The following ANKRD60 variants were observed in gnomAD, a reference collection of about 807,000 sequenced individuals.
ANKRD60 encodes the protein ankyrin repeat domain-containing protein 60.
ANKRD60 carries 24 observed loss-of-function variants against 21.3 expected under a neutral mutation model. The observed-to-expected ratio is 1.13, with a 90% CI of 0.82 to 1.59. ANKRD60 has a LOEUF of 1.59. Among genes scored for constraint, ANKRD60 ranks in the 40% most tolerant of loss-of-function variants. The pLI is 0.00. For synonymous variants in ANKRD60, 182 were observed against 199.4 expected, an observed-to-expected ratio of 0.91 and a Z score of 0.74; for missense variants, 490 against 466.7, an observed-to-expected ratio of 1.05 and a Z score of -0.46.
chr20:58,228,135 C>T lies in ANKRD60; in HGVS notation c.430+89G>A. ...TTGCTTTGACATCTGGGGTTTCTCACGTAAGCAGGCTTCCCTTTGGGAATC... is the reference window on the plus strand; with the variant it reads ...TTGCTTTGACATCTGGGGTTTCTCATGTAAGCAGGCTTCCCTTTGGGAATC... On this transcript the variant is annotated intron_variant, in intron 1 of 3. Coordinates refer to ENST00000457363, the Ensembl canonical transcript of ANKRD60. The surrounding 1 kb of genome is among the most constrained non-coding windows in gnomAD (Gnocchi z 5.3). 3 of 1,321,890 alleles carry T rather than the reference C, an allele frequency of 2.3e-6. No individual in the cohort carries two copies. The highest frequency in any genetic ancestry group is 2.6e-5 in the East Asian group (1 of 38,390). The allele number at this position is 1,321,890 out of a possible 1,614,324, so 81.9% of individuals were successfully genotyped here. A position where few individuals can be genotyped will look rare whatever the true frequency, so the allele number is the denominator to read the frequency against.
downstream of ANKRD60, among the ~76,000 whole-genome samples, chr20:58,217,050 AG>A (rs1364211184): frequency 6.6e-5 from 10 of 152,242 alleles, no homozygotes; most frequent in Non-Finnish European, 1.2e-4. Context: ...TGACAGTGAG[AG>A]GCAGTCACAT....
exon 3 of ANKRD60, chr20:58,221,369 G>T: frequency 6.4e-7 from 1 of 1,552,048 alleles, no homozygotes; most frequent in Non-Finnish European, 8.7e-7. Flanking sequence ...CAGCATCAAA[G>T]TGGCCTCTGT....
At chr20:58,218,351 T>C, downstream of ANKRD60, 2 of 813,610 alleles carry the variant, frequency 2.5e-6, no homozygotes, top group Non-Finnish European at 3.8e-6. Context: ...CAGAAATCAT[T>C]TGCAAACAGG....
At position 58,228,642 on chromosome 20, in the gene ANKRD60, G is replaced by T; in HGVS notation, c.12C>A (p.Gly4=). 1 of 1,000,462 alleles carries T rather than the reference G, an allele frequency of 1.0e-6. No homozygotes were observed. Among genetic ancestry groups the T allele is most frequent in the Non-Finnish European group, 1.2e-6 (1 of 835,486 alleles). The allele number at this position is 1,000,462 out of a possible 1,614,324, so 62.0% of individuals were successfully genotyped here. A position where few individuals can be genotyped will look rare whatever the true frequency, so the allele number is the denominator to read the frequency against. ...CCGCCCGCCGCATCCCCCAGGCGCG[G>T]CCGCGCGTCATCCGCGGCTCGAGTG... Residue 4 remains glycine, a synonymous_variant, in exon 1 of 4, where the codon GGC becomes GGA. Coordinates refer to ENST00000457363, the Ensembl canonical transcript of ANKRD60. This position sits in a 1 kb window ranked among gnomAD's most constrained non-coding sequence, Gnocchi z 5.3.
chr20:58,221,956 C>T (rs1171820372), intron 2 of ANKRD60, among the ~76,000 whole-genome samples: 1 of 152,160 alleles, frequency 6.6e-6, no homozygotes, highest in Non-Finnish European at 1.5e-5. Flanking sequence ...TGAACATGCA[C>T]AGGTGAACAG....
chr20:58,217,654 A>G (rs1041078231), downstream of ANKRD60, among the ~76,000 whole-genome samples: 1 of 152,106 alleles, frequency 6.6e-6, no homozygotes, highest in Admixed American at 6.6e-5. Flanking sequence ...CACCAGGCAC[A>G]TCCTGCAATG....
chr20:58,218,884 G>T, intron 3 of ANKRD60, 79 bp from the exon 4 acceptor site: 1 of 1,363,756 alleles, frequency 7.3e-7, no homozygotes, highest in Non-Finnish European at 9.8e-7. Flanking sequence ...TGAAGGGAGT[G>T]CTCCTCAGGG....
At chr20:58,227,698 A>T (rs1219809144) in intron 1 of ANKRD60, among the ~76,000 whole-genome samples, 1 of 152,092 alleles carries the variant, frequency 6.6e-6, no homozygotes, top group African/African-American at 2.4e-5. Flanking sequence ...TTGGGGTTCT[A>T]ATGTTCTCAA....
chr20:58,216,521 T>C (rs1416338370), downstream of ANKRD60, among the ~76,000 whole-genome samples: 1 of 152,134 alleles, frequency 6.6e-6, no homozygotes, highest in Non-Finnish European at 1.5e-5. Flanking sequence ...CCCCATTGGG[T>C]TGGGGTTGCT....
exon 4 of ANKRD60, chr20:58,218,614 G>A (rs552893451): frequency 2.4e-5 from 38 of 1,551,770 alleles, no homozygotes; most frequent in East Asian, 2.0e-4. Flanking sequence ...CGGTGGAGGA[G>A]GACCATCTGC....
Position 58,228,318 on chromosome 20 carries a change from G to A in ANKRD60, c.336C>T (p.Cys112=), listed in dbSNP as rs1984408598. Residue 112 remains cysteine, a synonymous_variant, in exon 1 of 4, where the codon TGC becomes TGT. Coordinates refer to ENST00000457363, the Ensembl canonical transcript of ANKRD60. This position sits in a 1 kb window ranked among gnomAD's most constrained non-coding sequence, Gnocchi z 5.3. ...GCTCCCGCACGGTCATGTCGCCGCGGCAGTTTGCCACTCGGAACATCTCCC... is the reference window on the plus strand; with the variant it reads ...GCTCCCGCACGGTCATGTCGCCGCGACAGTTTGCCACTCGGAACATCTCCC... 4 of 1,551,282 alleles carry A rather than the reference G, an allele frequency of 2.6e-6. No homozygotes were observed. Among genetic ancestry groups the A allele is most frequent in the Non-Finnish European group, 3.5e-6 (4 of 1,146,934 alleles).
chr20:58,228,626 G>T lies in ANKRD60; in HGVS notation c.28C>A (p.Arg10=), dbSNP rs1381719901. The change falls in exon 1 of 4, where the codon CGG becomes AGG. Residue 10 remains arginine (R), a synonymous_variant. Transcript: ENST00000457363. This position sits in a 1 kb window ranked among gnomAD's most constrained non-coding sequence, Gnocchi z 5.3. Reference sequence around the variant, plus strand: ...CCGCCCGCCCCCGCCGCCGCCCGCCGCATCCCCCAGGCGCGGCCGCGCGTC... The same window carrying T: ...CCGCCCGCCCCCGCCGCCGCCCGCCTCATCCCCCAGGCGCGGCCGCGCGTC... 4.6e-5 allele frequency: 45 copies of T among 972,966 alleles called. No homozygotes were observed. Among genetic ancestry groups the T allele is most frequent in the Middle Eastern group, 4.9e-4 (1 of 2,056 alleles). 60.3% of individuals were successfully genotyped at this position (972,966 alleles called of 1,614,324 possible).
chr20:58,226,731 G>A (rs1984370901), intron 1 of ANKRD60, among the ~76,000 whole-genome samples: 1 of 152,060 alleles, frequency 6.6e-6, no homozygotes, highest in South Asian at 2.1e-4. Context: ...GAGCCCTTAT[G>A]AAGATACTTT....
intron 1 of ANKRD60, among the ~76,000 whole-genome samples, chr20:58,224,814 C>G (rs1233439606): frequency 6.6e-6 from 1 of 152,198 alleles, no homozygotes; most frequent in African/African-American, 2.4e-5. Flanking sequence ...AGTACATTCT[C>G]TTTTTATAGA....
At chr20:58,226,657 GA>G (rs1465655668) in intron 1 of ANKRD60, among the ~76,000 whole-genome samples, 1 of 152,152 alleles carries the variant, frequency 6.6e-6, no homozygotes, top group African/African-American at 2.4e-5. Context: ...TGGGGGTTCA[GA>G]TATGTGTGGG....
downstream of ANKRD60, among the ~76,000 whole-genome samples, chr20:58,217,873 C>T (rs1984166393): frequency 6.6e-6 from 1 of 152,174 alleles, no homozygotes; most frequent in Admixed American, 6.5e-5. Flanking sequence ...GTTTCCTCCC[C>T]ATCTAGCACC....
downstream of ANKRD60, among the ~76,000 whole-genome samples, chr20:58,218,011 A>G (rs1171386290): frequency 6.6e-6 from 1 of 152,080 alleles, no homozygotes; most frequent in African/African-American, 2.4e-5. Flanking sequence ...GGCTCAGGAA[A>G]CCTGGAACAT....
At chr20:58,216,890 T>C (rs1363005258), downstream of ANKRD60, among the ~76,000 whole-genome samples, 1 of 152,200 alleles carries the variant, frequency 6.6e-6, no homozygotes, top group Non-Finnish European at 1.5e-5. Flanking sequence ...TTAGAGAACA[T>C]AAATGGTCTG....
intron 3 of ANKRD60, among the ~76,000 whole-genome samples, chr20:58,220,581 G>A (rs1481163076): frequency 6.6e-6 from 1 of 151,656 alleles, no homozygotes; most frequent in Admixed American, 6.6e-5. Flanking sequence ...TGAATGTCTT[G>A]TGAGAAAATA....
Sources: gnomAD v4.1 joint callset for allele counts (sites outside exome capture counted in the v4.1 genomes callset) on GRCh38, gnomAD v4.1.1 for gene constraint, Gnocchi (gnomAD v3.1) non-coding constraint, MANE v1.5 for transcripts, NCBI Gene and HGNC (gene_info 2026-07-23, HGNC 2026-07-21) for gene names.